The following SRC variants were observed in gnomAD, a reference collection of about 807,000 sequenced individuals.
SRC encodes the protein proto-oncogene tyrosine-protein kinase Src.
In SRC, 13 loss-of-function variants were observed where a neutral mutation model predicts 62.9. The observed-to-expected ratio is 0.21, with a 90% CI of 0.13 to 0.33. The LOEUF (loss-of-function observed/expected upper bound fraction) is 0.33, where lower values mean the gene tolerates loss of function less well. Ranked by LOEUF, SRC falls within the 10% of genes least tolerant of loss-of-function variation. The pLI, the probability that SRC is intolerant of heterozygous loss-of-function variation, is 1.00. For missense variants in SRC, 457 were observed against 737.3 expected (o/e 0.62, Z 4.40); for synonymous variants, 302 against 317.5 (o/e 0.95, Z 0.52).
chr20:37,376,191 C>T (rs2070274944), intron 2 of SRC, among the ~76,000 whole-genome samples: 1 of 152,202 alleles, frequency 6.6e-6, no homozygotes, highest in Admixed American at 6.5e-5. Context: ...CCAGACAACA[C>T]CCCTCAGGAC....
At chr20:37,355,232 C>T (rs1277617464) in intron 1 of SRC, among the ~76,000 whole-genome samples, 2 of 152,012 alleles carry the variant, frequency 1.3e-5, no homozygotes, top group Non-Finnish European at 2.9e-5. Context: ...AGCCTCCTGC[C>T]CTCCCCACCC....
intron 1 of SRC, among the ~76,000 whole-genome samples, chr20:37,355,905 G>A (rs185008358): frequency 1.3e-5 from 2 of 152,320 alleles, no homozygotes; most frequent in East Asian, 3.9e-4. Context: ...GGCTGATCAG[G>A]CAGAGCCTCA....
intron 1 of SRC, among the ~76,000 whole-genome samples, chr20:37,353,615 C>T (rs772914195): frequency 2.6e-5 from 4 of 152,140 alleles, no homozygotes; most frequent in Non-Finnish European, 4.4e-5. Flanking sequence ...GTCTCATGCT[C>T]ACAGCAGCCT....
At chr20:37,371,011 G>A (rs1229738783) in intron 2 of SRC, among the ~76,000 whole-genome samples, 5 of 136,456 alleles carry the variant, frequency 3.7e-5, no homozygotes, top group South Asian at 2.2e-4. Context: ...TTTTTGAGAC[G>A]GAGTTTCACT....
intron 5 of SRC, among the ~76,000 whole-genome samples, chr20:37,390,094 T>A (rs929626254): frequency 3.3e-5 from 5 of 152,144 alleles, no homozygotes; most frequent in Admixed American, 2.0e-4. Context: ...ATCATCACAG[T>A]CGTCATCTCA....
At chr20:37,393,732 A>C in intron 5 of SRC, 163 bp from the exon 6 acceptor site, 1 of 589,786 alleles carries the variant, frequency 1.7e-6, no homozygotes, top group South Asian at 2.2e-5. Flanking sequence ...GTTCCAGGCC[A>C]GCTGGACCTG....
chr20:37,347,340 C>G (rs956719626), intron 1 of SRC, among the ~76,000 whole-genome samples: 2 of 152,336 alleles, frequency 1.3e-5, no homozygotes, highest in East Asian at 1.9e-4. Context: ...AGCCCCCTGG[C>G]TGGGGGATCA....
At chr20:37,356,492 G>C (rs541104927) in intron 1 of SRC, among the ~76,000 whole-genome samples, 2 of 152,184 alleles carry the variant, frequency 1.3e-5, no homozygotes, top group East Asian at 1.9e-4. Flanking sequence ...AGGGGAAATG[G>C]CCAGGTCTGG....
intron 5 of SRC, among the ~76,000 whole-genome samples, chr20:37,389,434 C>T (rs1387599671): frequency 6.6e-6 from 1 of 152,202 alleles, no homozygotes; most frequent in Non-Finnish European, 1.5e-5. Context: ...TCTAGAGCCT[C>T]GGGGTCCTGC....
intron 9 of SRC, among the ~76,000 whole-genome samples, chr20:37,399,179 C>G (rs527513444): frequency 2.0e-5 from 3 of 152,170 alleles, no homozygotes; most frequent in Non-Finnish European, 4.4e-5. Context: ...CTATGGAATC[C>G]CCATTTTCCA....
intron 2 of SRC, among the ~76,000 whole-genome samples, chr20:37,379,021 G>C (rs1368816217): frequency 2.6e-5 from 4 of 151,912 alleles, no homozygotes; most frequent in Admixed American, 6.6e-5. Flanking sequence ...ATGGGGGTGG[G>C]GGGGAGATGC....
Position 37,402,248 on chromosome 20 carries a change from C to A in SRC, c.1117-187C>A. The A allele has an allele frequency of 1.5e-6, 1 of 649,340 alleles. No individual in the cohort carries two copies. The allele number at this position is 649,340 out of a possible 1,614,324, so 40.2% of individuals were successfully genotyped here. On this transcript the variant is annotated intron_variant, in intron 11 of 13. Coordinates refer to ENST00000373578, the MANE Select transcript of SRC (RefSeq NM_198291.3). This position sits in a 1 kb window ranked among gnomAD's most constrained non-coding sequence, Gnocchi z 6.2. ...GCCCTCTGCTCTGTGCCCTGTGCTC[C>A]CTACTCCCGCAGAGCACTGCTCCTG...
chr20:37,347,721 C>T (rs765824880), intron 1 of SRC, among the ~76,000 whole-genome samples: 14 of 152,210 alleles, frequency 9.2e-5, no homozygotes, highest in Admixed American at 4.6e-4. Context: ...CCAACATCTA[C>T]TGAACACCTT....
rs61476973 is a variant in SRC at position 37,360,218 on chromosome 20, C to CTTTTTTTTTTTTTT, written c.-246-4979_-246-4966dup. 3.9e-4 allele frequency among the ~76,000 whole-genome samples: 41 copies of CTTTTTTTTTTTTTT among 105,630 alleles called. 3 individuals carry two copies. Among genetic ancestry groups the CTTTTTTTTTTTTTT allele is most frequent in the African/African-American group, 1.0e-3 (21 of 20,946 alleles). 69.3% of individuals were successfully genotyped at this position (105,630 alleles called of 152,430 possible). A position where few individuals can be genotyped will look rare whatever the true frequency, so the allele number is the denominator to read the frequency against. ...AATTTCTTTCTCTTTCTCTCTCTCT[C>CTTTTTTTTTTTTTT]TTTTTTTTTTTTTTTTTTTTGGTGA... On this transcript the variant is annotated intron_variant, in intron 1 of 13. Transcript: ENST00000373578.
chr20:37,383,264 G>C (rs2070391669), intron 3 of SRC, among the ~76,000 whole-genome samples: 3 of 152,352 alleles, frequency 2.0e-5, no homozygotes, highest in East Asian at 3.9e-4. Context: ...GGAGGCACCA[G>C]TCACCCTGGT....
Position 37,367,161 on chromosome 20 carries a change from C to T in SRC, c.-173+1884C>T, listed in dbSNP as rs527390669. 3.4e-5 allele frequency among the ~76,000 whole-genome samples: 5 copies of T among 145,556 alleles called. No homozygotes were observed. In the South Asian group the frequency reaches 1.2e-3, roughly 34 times the overall value. On this transcript the variant is annotated intron_variant, in intron 2 of 13. Transcript: ENST00000373578. Reference sequence around the variant, plus strand: ...TGCCAAGGCTAACTGCAACCTCAAACTCTTGGGCTCTAACAATCCTCTCAT... The same window carrying T: ...TGCCAAGGCTAACTGCAACCTCAAATTCTTGGGCTCTAACAATCCTCTCAT...
At position 37,395,243 on chromosome 20, in the gene SRC, A is replaced by T. The variant is rs116111136; in HGVS notation, c.554-919A>T. On this transcript the variant is annotated intron_variant, in intron 7 of 13. Transcript: ENST00000373578. Reference sequence around the variant, plus strand: ...CCAGGCTGGCCACTTCCCTCTCTGGACCTCATTTCTTCTGTACGCTGGGAT... The same window carrying T: ...CCAGGCTGGCCACTTCCCTCTCTGGTCCTCATTTCTTCTGTACGCTGGGAT... 3.0e-3 allele frequency among the ~76,000 whole-genome samples: 450 copies of T among 152,242 alleles called. 2 individuals are homozygous for T. Among genetic ancestry groups the T allele is most frequent in the African/African-American group, 0.01 (422 of 41,552 alleles).
intron 5 of SRC, among the ~76,000 whole-genome samples, chr20:37,387,824 G>A (rs1385517749): frequency 6.6e-6 from 1 of 152,234 alleles, no homozygotes; most frequent in Non-Finnish European, 1.5e-5. Flanking sequence ...CTCTCTGTGT[G>A]AGCTGGGCCC....
At chr20:37,370,174 T>C (rs1013965834) in intron 2 of SRC, among the ~76,000 whole-genome samples, 1 of 152,160 alleles carries the variant, frequency 6.6e-6, no homozygotes, top group Non-Finnish European at 1.5e-5. Context: ...CATGAAGGAG[T>C]GTTGAATTTT....
Sources: allele counts gnomAD v4.1 joint callset (sites outside exome capture counted in the v4.1 genomes callset), GRCh38; gene constraint gnomAD v4.1.1; non-coding constraint Gnocchi (gnomAD v3.1); transcripts MANE v1.5; gene names NCBI Gene and HGNC (gene_info 2026-07-23, HGNC 2026-07-21).